The following TBC1D16 variants were observed in gnomAD, a reference collection of about 807,000 sequenced individuals.
TBC1D16 encodes the protein CTD-2529O21.1.
In TBC1D16, 58 loss-of-function variants were observed where a neutral mutation model predicts 74.7. That is an observed-to-expected ratio of 0.78 (90% CI 0.63 to 0.97). The LOEUF (loss-of-function observed/expected upper bound fraction) is 0.97, where lower values mean the gene tolerates loss of function less well. Among genes scored for constraint, TBC1D16 ranks in the 50% least tolerant of loss-of-function variants. The probability of loss-of-function intolerance (pLI) is 0.00; values close to 1 mark genes in which losing one functional copy is unlikely to be tolerated. For synonymous variants in TBC1D16, 493 were observed against 474.7 expected (o/e 1.04, Z -0.50); for missense variants, 1,014 against 1,079.5 (o/e 0.94, Z 0.85).
In TBC1D16 at chr17:79,936,260, G is replaced by A. The variant is rs1053392967; in HGVS notation, c.*4599C>T. On this transcript the variant is annotated 3_prime_UTR_variant, in exon 12 of 12. Transcript: ENST00000310924. ...ACAGAGAGGCTCGCCCTCGGCGGAG[G>A]ACACACAGCTGGGTGGGCGTGTGGG... 1 of 152,278 alleles carries A rather than the reference G, an allele frequency of 6.6e-6. No individual in the cohort carries two copies. Among genetic ancestry groups the A allele is most frequent in the African/African-American group, 2.4e-5 (1 of 41,464 alleles). 9.4% of individuals were successfully genotyped at this position (152,278 alleles called of 1,614,324 possible).
At position 79,941,978 on chromosome 17, in the gene TBC1D16, G is replaced by T; in HGVS notation, c.2055+82C>A. 4.5e-6 allele frequency: 6 copies of T among 1,325,544 alleles called. No individual in the cohort carries two copies. Among genetic ancestry groups the T allele is most frequent in the Non-Finnish European group, 6.0e-6 (6 of 997,358 alleles). 82.1% of individuals were successfully genotyped at this position (1,325,544 alleles called of 1,614,324 possible). A position where few individuals can be genotyped will look rare whatever the true frequency, so the allele number is the denominator to read the frequency against. On this transcript the variant is annotated intron_variant, in intron 11 of 11. Coordinates refer to ENST00000310924, the MANE Select transcript of TBC1D16 (RefSeq NM_019020.4). The surrounding 1 kb of genome is among the most constrained non-coding windows in gnomAD (Gnocchi z 4.3). Reference sequence around the variant, plus strand: ...GGGGGCGGGGCCCACATCTGGGGCAGCCTCACCTTTCTGAGAACGAGCTGG... The same window carrying T: ...GGGGGCGGGGCCCACATCTGGGGCATCCTCACCTTTCTGAGAACGAGCTGG...
At chr17:79,957,560 G>A (rs2033392016) in intron 3 of TBC1D16, among the ~76,000 whole-genome samples, 1 of 152,180 alleles carries the variant, frequency 6.6e-6, no homozygotes, top group Non-Finnish European at 1.5e-5. Context: ...AGGTAGGAAG[G>A]TGAAGCACGG....
chr17:79,947,910 G>A (rs1390590898), intron 8 of TBC1D16, 79 bp from the exon 9 acceptor site: 16 of 1,245,670 alleles, frequency 1.3e-5, no homozygotes, highest in African/African-American at 7.5e-5. Flanking sequence ...ACCCTGGGCC[G>A]TGGACCCTGC....
rs1331464831 is a variant in TBC1D16 at position 80,025,101 on chromosome 17, T to TG, written c.-63+10693_-63+10694insC. ...CACATACCATGACACACACACACCA[T>TG]ATACACACAAACACCACAGACACAC... On this transcript the variant is annotated intron_variant, in intron 1 of 11. Transcript: ENST00000310924. Among the ~76,000 whole-genome samples the TG allele has an allele frequency of 1.5e-4, 12 of 80,416 alleles. 1 individual carries two copies. Among genetic ancestry groups the TG allele is most frequent in the Admixed American group, 2.2e-4 (2 of 9,048 alleles). The allele number at this position is 80,416 out of a possible 152,430, so 52.8% of individuals were successfully genotyped here.
chr17:79,947,412 G>C (rs1460684127), intron 9 of TBC1D16, among the ~76,000 whole-genome samples: 1 of 152,224 alleles, frequency 6.6e-6, no homozygotes, highest in Non-Finnish European at 1.5e-5. Context: ...AAGGCCACCA[G>C]AGCGGCCCAC....
chr17:79,946,151 G>C (rs570546022), intron 9 of TBC1D16, among the ~76,000 whole-genome samples: 12 of 152,340 alleles, frequency 7.9e-5, no homozygotes, highest in African/African-American at 2.4e-4. Flanking sequence ...GTCTATAGCA[G>C]CGGTCCCCAA....
intron 1 of TBC1D16, among the ~76,000 whole-genome samples, chr17:80,019,875 TTATGA>T (rs1229528432): frequency 6.7e-6 from 1 of 149,908 alleles, no homozygotes; most frequent in Non-Finnish European, 1.5e-5. Flanking sequence ...TGAAGTATAC[TTATGA>T]TATAACAAAC....
intron 3 of TBC1D16, among the ~76,000 whole-genome samples, chr17:79,973,656 G>A (rs2034208275): frequency 6.6e-6 from 1 of 151,110 alleles, no homozygotes; most frequent in Admixed American, 6.6e-5. Context: ...CTTGCAGTGA[G>A]CCAAGATCAC....
chr17:80,006,370 C>T (rs1200096244), intron 3 of TBC1D16, among the ~76,000 whole-genome samples: 2 of 152,164 alleles, frequency 1.3e-5, no homozygotes, highest in Non-Finnish European at 2.9e-5. Flanking sequence ...TGGGTGCAGC[C>T]TGGGCATCAG....
chr17:79,945,255 G>A (rs1018215770), intron 9 of TBC1D16, among the ~76,000 whole-genome samples, 168 bp from the exon 10 acceptor site: 36 of 152,206 alleles, frequency 2.4e-4, no homozygotes, highest in African/African-American at 7.5e-4. Flanking sequence ...CCATTCCGCC[G>A]CTGGAATCGG....
In TBC1D16 at chr17:80,010,231, G is replaced by T; in HGVS notation, c.708C>A (p.Pro236=). The change falls in exon 3 of 12, where the codon CCC becomes CCA. Residue 236 remains proline (P), a synonymous_variant. Transcript: ENST00000310924. The surrounding 1 kb of genome is among the most constrained non-coding windows in gnomAD (Gnocchi z 8.8). ...FDSDSDTFSS[P]FCLSPISAAL... Reference sequence around the variant, plus strand: ...CCGCGCTGATGGGCGAGAGGCAGAAGGGCGAGGAGAAGGTGTCTGAGTCTG... The same window carrying T: ...CCGCGCTGATGGGCGAGAGGCAGAATGGCGAGGAGAAGGTGTCTGAGTCTG... The T allele has an allele frequency of 6.2e-7, 1 of 1,613,394 alleles. No homozygotes were observed. Among genetic ancestry groups the T allele is most frequent in the Non-Finnish European group, 8.5e-7 (1 of 1,179,826 alleles).
rs530679165 is a variant in TBC1D16, at chr17:79,975,791, C to T, written c.780-22973G>A. ...ACAATACAAATTCAGGCAATGCCTG[C>T]GTCTGCCCACACCTGCAGAGCATGA... On this transcript the variant is annotated intron_variant, in intron 3 of 11. Coordinates refer to ENST00000310924, the MANE Select transcript of TBC1D16 (RefSeq NM_019020.4). The surrounding 1 kb of genome is among the most constrained non-coding windows in gnomAD (Gnocchi z 4.5). Among the ~76,000 whole-genome samples, 37 of 152,360 alleles carry T rather than the reference C, an allele frequency of 2.4e-4. No homozygotes were observed. Among genetic ancestry groups the T allele is most frequent in the Admixed American group, 4.6e-4 (7 of 15,306 alleles).
chr17:79,942,586 G>A (rs1479521387), intron 10 of TBC1D16, among the ~76,000 whole-genome samples: 3 of 152,092 alleles, frequency 2.0e-5, no homozygotes, highest in African/African-American at 7.2e-5. Context: ...CTCATGGGGA[G>A]GACTCATTTG....
chr17:80,032,040 G>C (rs1036274024), intron 1 of TBC1D16, among the ~76,000 whole-genome samples: 2 of 152,218 alleles, frequency 1.3e-5, no homozygotes, highest in African/African-American at 4.8e-5. Flanking sequence ...CATCTGTAAA[G>C]TTCACCCTTT....
chr17:79,983,642 G>C lies in TBC1D16; in HGVS notation c.779+26518C>G, dbSNP rs1007231784. ...CACATGTGTGCAAAGCCTGCTTTAG[G>C]AGAGCAAGGAAGTGCCGCCCACGGC... On this transcript the variant is annotated intron_variant, in intron 3 of 11. Transcript: ENST00000310924. The surrounding 1 kb of genome is among the most constrained non-coding windows in gnomAD (Gnocchi z 5.6). Among the ~76,000 whole-genome samples the C allele has an allele frequency of 2.0e-5, 3 of 152,178 alleles. No homozygotes were observed. The highest frequency in any genetic ancestry group is 7.2e-5 in the African/African-American group (3 of 41,446).
At chr17:79,952,908 C>T in intron 3 of TBC1D16, 90 bp from the exon 4 acceptor site, 1 of 1,463,028 alleles carries the variant, frequency 6.8e-7, no homozygotes. Context: ...GTCATTTAAA[C>T]CTACGCACCA....
At chr17:79,969,802 T>G (rs535268626) in intron 3 of TBC1D16, among the ~76,000 whole-genome samples, 41 of 151,654 alleles carry the variant, frequency 2.7e-4, no homozygotes, top group African/African-American at 9.9e-4. Flanking sequence ...ATTAGCCAGG[T>G]GTGGTGGTGC....
intron 3 of TBC1D16, among the ~76,000 whole-genome samples, chr17:79,991,632 G>A (rs1274834844): frequency 6.6e-6 from 1 of 151,436 alleles, no homozygotes; most frequent in African/African-American, 2.4e-5. Flanking sequence ...GAAGGAGGCA[G>A]GGAGGCAAGA....
chr17:79,964,150 ATT>A, intron 3 of TBC1D16, among the ~76,000 whole-genome samples: 1 of 151,850 alleles, frequency 6.6e-6, no homozygotes, highest in East Asian at 1.9e-4. Flanking sequence ...TAATTTTTGT[ATT>A]TTTGGTAGAG....
Sources: gnomAD v4.1 joint callset for allele counts (sites outside exome capture counted in the v4.1 genomes callset) on GRCh38, gnomAD v4.1.1 for gene constraint, Gnocchi (gnomAD v3.1) non-coding constraint, MANE v1.5 for transcripts, NCBI Gene and HGNC (gene_info 2026-07-23, HGNC 2026-07-21) for gene names.